Variants in TMC2 observed in about 807,000 individuals in gnomAD.
The protein encoded by TMC2 is transmembrane channel-like protein 2.
In TMC2, 102 loss-of-function variants were observed where a neutral mutation model predicts 105.9. That is an observed-to-expected ratio of 0.96 (90% CI 0.82 to 1.14). The LOEUF (loss-of-function observed/expected upper bound fraction) is 1.14. Ranked by LOEUF, TMC2 falls within the 50% of genes most tolerant of loss-of-function variation. The pLI, the probability that TMC2 is intolerant of heterozygous loss-of-function variation, is 0.00. For missense variants in TMC2, 1,093 were observed against 1,134.3 expected (o/e 0.96, Z 0.52); for synonymous variants, 402 against 422.8 (o/e 0.95, Z 0.60).
chr20:2,608,895 T>C (rs1028057589), intron 11 of TMC2, among the ~76,000 whole-genome samples: 3 of 152,252 alleles, frequency 2.0e-5, no homozygotes, highest in African/African-American at 7.2e-5. Flanking sequence ...TGTGACTTTT[T>C]ATCCTTTGTT....
intron 17 of TMC2, among the ~76,000 whole-genome samples, chr20:2,632,890 T>C (rs1335445912): frequency 1.3e-5 from 2 of 152,238 alleles, no homozygotes; most frequent in East Asian, 1.9e-4. Flanking sequence ...CACCCAGCCA[T>C]GTCTTACTAG....
At chr20:2,590,960 A>C (rs2086264089) in intron 7 of TMC2, among the ~76,000 whole-genome samples, 1 of 152,172 alleles carries the variant, frequency 6.6e-6, no homozygotes, top group East Asian at 1.9e-4. Flanking sequence ...TATGAGGAAC[A>C]CTATAAAGAA....
chr20:2,575,348 C>A (rs1021219137), intron 5 of TMC2, among the ~76,000 whole-genome samples: 1 of 152,168 alleles, frequency 6.6e-6, no homozygotes, highest in Non-Finnish European at 1.5e-5. Flanking sequence ...ACTTTTACTA[C>A]ACATTTTTCA....
chr20:2,611,870 G>GTGGA (rs2086441872), intron 12 of TMC2, among the ~76,000 whole-genome samples: 3 of 94,938 alleles, frequency 3.2e-5, no homozygotes, highest in Admixed American at 1.1e-4. Flanking sequence ...GGATGGATGG[G>GTGGA]TGGGTGGGTG....
At chr20:2,596,146 C>T (rs749133452) in intron 9 of TMC2, among the ~76,000 whole-genome samples, 1 of 152,126 alleles carries the variant, frequency 6.6e-6, no homozygotes, top group Non-Finnish European at 1.5e-5. Context: ...ACAAACCCCT[C>T]ATAGTATCTT....
Position 2,558,241 on chromosome 20 carries a change from A to G in TMC2, c.83-215A>G. ...AGGGAGACGGGAGGGAGAAGGCCAG[A>G]GAGTGACCTTCCTGCTTCTGCAGTT... is the stretch of plus-strand genomic sequence containing the variant. On this transcript the variant is annotated intron_variant, in intron 2 of 19. Coordinates refer to ENST00000358864, the MANE Select transcript of TMC2 (RefSeq NM_080751.3). The surrounding 1 kb of genome is among the most constrained non-coding windows in gnomAD (Gnocchi z 4.6). The G allele has an allele frequency of 8.5e-7, 1 of 1,176,882 alleles. No individual in the cohort carries two copies. The highest frequency in any genetic ancestry group is 1.2e-6 in the Non-Finnish European group (1 of 866,808). The allele number at this position is 1,176,882 out of a possible 1,614,324, so 72.9% of individuals were successfully genotyped here.
intron 17 of TMC2, among the ~76,000 whole-genome samples, chr20:2,630,861 G>T (rs2086597892): frequency 6.6e-6 from 1 of 152,138 alleles, no homozygotes; most frequent in Admixed American, 6.5e-5. Context: ...GTGCTTCTTT[G>T]GAAAAGCATA....
rs866816175 is a variant in TMC2, at chr20:2,584,337, G to T, written c.834+4281G>T. Among the ~76,000 whole-genome samples the T allele has an allele frequency of 5.0e-3, 714 of 141,574 alleles. 69 individuals are homozygous for T. Among genetic ancestry groups the T allele is most frequent in the African/African-American group, 0.02 (682 of 33,570 alleles). 92.9% of individuals were successfully genotyped at this position (141,574 alleles called of 152,430 possible). ...CGGGTGCCTGTGGTCCCAGCTACTT[G>T]GGAGGCTGAGGCAGGAGAATGGCGT... On this transcript the variant is annotated intron_variant, in intron 7 of 19. Transcript: ENST00000358864.
At chr20:2,547,435 A>G (rs1170579294) in intron 2 of TMC2, among the ~76,000 whole-genome samples, 2 of 152,220 alleles carry the variant, frequency 1.3e-5, no homozygotes, top group Non-Finnish European at 2.9e-5. Flanking sequence ...GAAATGTTTG[A>G]ACATTTTACC....
chr20:2,559,427 G>T (rs1356755741), intron 3 of TMC2, among the ~76,000 whole-genome samples: 2 of 152,140 alleles, frequency 1.3e-5, no homozygotes, highest in African/African-American at 4.8e-5. Flanking sequence ...AAGATTTGGG[G>T]TTCATGTTTT....
intron 7 of TMC2, among the ~76,000 whole-genome samples, chr20:2,581,074 T>G (rs1381106998): frequency 6.6e-6 from 1 of 152,216 alleles, no homozygotes; most frequent in East Asian, 1.9e-4. Flanking sequence ...GGTGTATTAA[T>G]TGGTTCTTTG....
chr20:2,620,539 C>G (rs1312586776), intron 16 of TMC2, among the ~76,000 whole-genome samples: 1 of 152,166 alleles, frequency 6.6e-6, no homozygotes, highest in Admixed American at 6.5e-5. Flanking sequence ...AGAGTACATT[C>G]TCATGACATA....
intron 2 of TMC2, among the ~76,000 whole-genome samples, chr20:2,538,663 G>A (rs2085868193): frequency 6.6e-6 from 1 of 152,190 alleles, no homozygotes; most frequent in East Asian, 1.9e-4. Flanking sequence ...AGACCATTTT[G>A]CCTACAACAC....
At position 2,558,865 on chromosome 20, in the gene TMC2, C is replaced by T. The variant is rs939636674; in HGVS notation, c.401+91C>T. Reference sequence around the variant, plus strand: ...TTCCCCCGTGAGGGACTGATGCCCCCCTCCCCGGGGAGAGGCAGCCCGTGC... The same window carrying T: ...TTCCCCCGTGAGGGACTGATGCCCCTCTCCCCGGGGAGAGGCAGCCCGTGC... On this transcript the variant is annotated intron_variant, in intron 3 of 19. Coordinates refer to ENST00000358864, the MANE Select transcript of TMC2 (RefSeq NM_080751.3). The surrounding 1 kb of genome is among the most constrained non-coding windows in gnomAD (Gnocchi z 4.6). The T allele has an allele frequency of 6.7e-6, 9 of 1,336,096 alleles. No individual in the cohort carries two copies. The highest frequency in any genetic ancestry group is 3.0e-5 in the African/African-American group (2 of 67,420). 82.8% of individuals were successfully genotyped at this position (1,336,096 alleles called of 1,614,324 possible).
chr20:2,562,200 G>C (rs551628016), intron 4 of TMC2, among the ~76,000 whole-genome samples, 190 bp downstream of exon 4: 111 of 152,368 alleles, frequency 7.3e-4, no homozygotes, highest in Non-Finnish European at 1.2e-3. Context: ...GGGCCTAGAG[G>C]GGGAGCCATG....
intron 4 of TMC2, among the ~76,000 whole-genome samples, chr20:2,566,265 T>G (rs2086063534): frequency 6.6e-6 from 1 of 152,152 alleles, no homozygotes; most frequent in Non-Finnish European, 1.5e-5. Context: ...TTCAAAATAT[T>G]TTTATTAAGT....
At chr20:2,605,483 A>C (rs1376587330) in intron 11 of TMC2, among the ~76,000 whole-genome samples, 1 of 152,110 alleles carries the variant, frequency 6.6e-6, no homozygotes, top group Admixed American at 6.5e-5. Flanking sequence ...GGAGAGAGAG[A>C]GAGAGAGATC....
chr20:2,622,047 A>G lies in TMC2; in HGVS notation c.2181-2224A>G, dbSNP rs189814070. On this transcript the variant is annotated intron_variant, in intron 16 of 19. Transcript: ENST00000358864. ...ACTGGAAATAAAAATAATAATAATA[A>G]TAAATGAAACATTGTCATACAGTGA... Among the ~76,000 whole-genome samples, 12 of 152,322 alleles carry G rather than the reference A, an allele frequency of 7.9e-5. No individual in the cohort carries two copies. The East Asian group carries it at 2.3e-3, about 29-fold the overall frequency.
rs888869516 is a variant in TMC2, at chr20:2,641,247, A to G, written c.2617A>G (p.Ile873Val). Residue 873 changes from isoleucine to valine, a missense_variant, in exon 20 of 20, where the codon ATA becomes GTA. Physicochemically the swap from Ile to Val is conservative, Grantham distance 29 (BLOSUM62 3). Transcript: ENST00000358864. ...ACTGCCTGCCTCTGGACACCTTCCT[A>G]TATCTCGGCCCCCTGGAATCGGACC... ...TTLPASGHLP[I>V]SRPPGIGPDS... is the part of the protein sequence containing the mutation. 8 of 1,614,086 alleles carry G rather than the reference A, an allele frequency of 5.0e-6. No individual in the cohort carries two copies. Among genetic ancestry groups the G allele is most frequent in the Admixed American group, 3.3e-5 (2 of 60,016 alleles).
Sources: allele counts gnomAD v4.1 joint callset (sites outside exome capture counted in the v4.1 genomes callset), GRCh38; gene constraint gnomAD v4.1.1; non-coding constraint Gnocchi (gnomAD v3.1); transcripts MANE v1.5; gene names NCBI Gene and HGNC (gene_info 2026-07-23, HGNC 2026-07-21).